CDH18: variants seen among roughly 807,000 people sequenced by gnomAD.
CDH18 encodes the protein cadherin-18.
A neutral mutation model predicts 67.9 loss-of-function variants in CDH18; 31 were observed. The observed-to-expected ratio is 0.46, with a 90% confidence interval of 0.34 to 0.62. The LOEUF (loss-of-function observed/expected upper bound fraction) is 0.62. Ranked by LOEUF, CDH18 falls within the 20% of genes least tolerant of loss-of-function variation. The probability of loss-of-function intolerance (pLI) is 0.01; values close to 1 mark genes in which losing one functional copy is unlikely to be tolerated. For synonymous variants in CDH18, 362 were observed against 347.2 expected (o/e 1.04, Z -0.48); for missense variants, 890 against 975.5 (o/e 0.91, Z 1.17).
At chr5:19,509,568 T>C (rs1474051079) in intron 10 of CDH18, among the ~76,000 whole-genome samples, 1 of 152,192 alleles carries the variant, frequency 6.6e-6, no homozygotes, top group African/African-American at 2.4e-5. Context: ...AGCTTGATTT[T>C]TGACAGTAAA....
chr5:20,008,849 T>C (rs896678774), intron 2 of CDH18, among the ~76,000 whole-genome samples: 28 of 152,060 alleles, frequency 1.8e-4, no homozygotes, highest in African/African-American at 6.0e-4. Flanking sequence ...TAAAGGTACC[T>C]GCCCACAAAG....
intron 2 of CDH18, among the ~76,000 whole-genome samples, chr5:19,948,262 A>C (rs572137508): frequency 6.6e-6 from 1 of 152,270 alleles, no homozygotes; most frequent in East Asian, 1.9e-4. Flanking sequence ...TTTACTCAGG[A>C]GTATTTATCC....
intron 1 of CDH18, among the ~76,000 whole-genome samples, chr5:20,419,377 C>G (rs1327672724): frequency 6.7e-6 from 1 of 150,066 alleles, no homozygotes; most frequent in Non-Finnish European, 1.5e-5. Flanking sequence ...TCCACGGGTT[C>G]TCTGATCTCA....
At chr5:19,638,490 A>T (rs1470256813) in intron 5 of CDH18, among the ~76,000 whole-genome samples, 2 of 152,056 alleles carry the variant, frequency 1.3e-5, no homozygotes, top group African/African-American at 2.4e-5. Context: ...ATTGAAGTCA[A>T]GGTGGTAGTT....
At chr5:20,416,170 C>T (rs1560979792) in intron 1 of CDH18, among the ~76,000 whole-genome samples, 1 of 152,024 alleles carries the variant, frequency 6.6e-6, no homozygotes, top group Non-Finnish European at 1.5e-5. Context: ...TTAAATTCTG[C>T]ATATTATGTC....
chr5:19,907,707 A>G (rs1790682324), intron 2 of CDH18, among the ~76,000 whole-genome samples: 1 of 152,030 alleles, frequency 6.6e-6, no homozygotes, highest in South Asian at 2.1e-4. Context: ...ACAATTTCCA[A>G]CTGATCTGAA....
chr5:20,072,317 G>C (rs898073149), intron 2 of CDH18, among the ~76,000 whole-genome samples: 2 of 152,054 alleles, frequency 1.3e-5, no homozygotes, highest in African/African-American at 4.8e-5. Flanking sequence ...CCAACTAAAA[G>C]AGGATTATTC....
intron 5 of CDH18, among the ~76,000 whole-genome samples, chr5:19,654,397 G>C (rs1756036091): frequency 6.6e-6 from 1 of 152,180 alleles, no homozygotes; most frequent in African/African-American, 2.4e-5. Flanking sequence ...ATGCATACAT[G>C]TATAAATGCA....
intron 11 of CDH18, among the ~76,000 whole-genome samples, chr5:19,495,454 A>T (rs1214976423): frequency 6.6e-6 from 1 of 152,080 alleles, no homozygotes; most frequent in Non-Finnish European, 1.5e-5. Context: ...TATCAATAAA[A>T]TCTCAGCCGG....
chr5:20,224,310 T>G (rs1445769191), intron 2 of CDH18, among the ~76,000 whole-genome samples: 2 of 152,140 alleles, frequency 1.3e-5, no homozygotes, highest in Admixed American at 6.6e-5. Flanking sequence ...CCTAGGGTTA[T>G]TTTGTAATAG....
At chr5:20,030,672 T>C (rs1248497018) in intron 2 of CDH18, among the ~76,000 whole-genome samples, 1 of 152,156 alleles carries the variant, frequency 6.6e-6, no homozygotes, top group African/African-American at 2.4e-5. Flanking sequence ...AATTTAGACA[T>C]ACTCAGATGT....
chr5:19,801,263 G>A (rs939176962), intron 3 of CDH18, among the ~76,000 whole-genome samples: 3 of 152,054 alleles, frequency 2.0e-5, no homozygotes, highest in African/African-American at 7.2e-5. Context: ...ATTACTCAAA[G>A]CCAGGCAAAA....
In CDH18 at chr5:19,643,190, T is replaced by C. The variant is rs145861238; in HGVS notation, c.644-30589A>G. Among the ~76,000 whole-genome samples the C allele has an allele frequency of 2.6e-5, 4 of 152,182 alleles. No individual in the cohort carries two copies. The East Asian group carries it at 5.8e-4, about 22-fold the overall frequency. ...ACTGTCACAAAATAAATGATAATTA[T>C]TGGCGAGGTGATGGAGAAAGTGAAA... On this transcript the variant is annotated intron_variant, in intron 5 of 12. Transcript: ENST00000382275.
chr5:20,456,188 A>G (rs1473002421), intron 1 of CDH18, among the ~76,000 whole-genome samples: 1 of 152,134 alleles, frequency 6.6e-6, no homozygotes, highest in East Asian at 1.9e-4. Flanking sequence ...GACTCACGAC[A>G]TGTAAATATT....
chr5:20,008,489 T>C (rs1316809478), intron 2 of CDH18, among the ~76,000 whole-genome samples: 1 of 152,190 alleles, frequency 6.6e-6, no homozygotes, highest in Admixed American at 6.6e-5. Flanking sequence ...ATCTGTTCTT[T>C]GAGGGTGTAT....
At chr5:19,989,543 T>C (rs1799860740), upstream of CDH18, among the ~76,000 whole-genome samples, 1 of 152,202 alleles carries the variant, frequency 6.6e-6, no homozygotes, top group Non-Finnish European at 1.5e-5. Flanking sequence ...TGTGAAGATT[T>C]AAAAAATCTG....
At chr5:19,782,123 T>C (rs1210365053) in intron 3 of CDH18, among the ~76,000 whole-genome samples, 2 of 152,122 alleles carry the variant, frequency 1.3e-5, no homozygotes. Context: ...TGCCAGAGAC[T>C]GGGTGATTTA....
chr5:20,016,628 G>T (rs1737906347), intron 2 of CDH18, among the ~76,000 whole-genome samples: 1 of 152,128 alleles, frequency 6.6e-6, no homozygotes, highest in Non-Finnish European at 1.5e-5. Flanking sequence ...AGTGCTGGTT[G>T]AGGCAGAAGT....
At chr5:20,513,742 C>T (rs1220684240) in intron 1 of CDH18, among the ~76,000 whole-genome samples, 4 of 151,040 alleles carry the variant, frequency 2.6e-5, no homozygotes, top group South Asian at 4.2e-4. Context: ...TCCTAAATGT[C>T]CTTTTATTTT....
Sources: allele counts gnomAD v4.1 joint callset (sites outside exome capture counted in the v4.1 genomes callset), GRCh38; gene constraint gnomAD v4.1.1; transcripts MANE v1.5; gene names NCBI Gene and HGNC (gene_info 2026-07-23, HGNC 2026-07-21).